Variants in PCSK5 observed in about 807,000 individuals in gnomAD.
PCSK5 encodes the protein prohormone convertase 5.
PCSK5 carries 129 observed loss-of-function variants against 233.2 expected under a neutral mutation model. That is an observed-to-expected ratio of 0.55 (90% CI 0.48 to 0.64). PCSK5 has a LOEUF of 0.64. Among genes scored for constraint, PCSK5 ranks in the 30% least tolerant of loss-of-function variants. PCSK5 has a pLI of 0.00. For missense variants in PCSK5, 2,076 were observed against 2,430.1 expected (o/e 0.85, Z 3.06); for synonymous variants, 825 against 879.2 (o/e 0.94, Z 1.09).
At chr9:76,237,060 C>G (rs17777249) in intron 22 of PCSK5, among the ~76,000 whole-genome samples, 5,960 of 152,224 alleles carry the variant, frequency 0.039, 169 homozygotes, top group Non-Finnish European at 0.061. Context: ...CCTACCTACA[C>G]CAGAGAAATT....
At chr9:75,946,659 G>T (rs1046890248) in intron 2 of PCSK5, among the ~76,000 whole-genome samples, 1 of 152,046 alleles carries the variant, frequency 6.6e-6, no homozygotes, top group South Asian at 2.1e-4. Flanking sequence ...CGCAATCTCC[G>T]CTCACTTCAA....
intron 24 of PCSK5, among the ~76,000 whole-genome samples, chr9:76,279,961 T>C (rs1408500382): frequency 1.3e-5 from 2 of 152,126 alleles, no homozygotes; most frequent in Non-Finnish European, 2.9e-5. Flanking sequence ...CCATTGCTTT[T>C]GGTGTTTTAG....
intron 28 of PCSK5, 133 bp from the exon 29 acceptor site, chr9:76,308,512 C>T (rs1201669917): frequency 5.9e-6 from 4 of 675,656 alleles, no homozygotes; most frequent in African/African-American, 3.6e-5. Flanking sequence ...CAACAATCAG[C>T]TCATGTACAA....
In PCSK5 at chr9:76,188,674, T is replaced by C; in HGVS notation, c.2379T>C (p.Ala793=). ...QPCHRFCATC[A]GAGADGCINC... The stretch of plus-strand genomic sequence containing the variant: ...GCCACCGCTTCTGCGCCACTTGTGC[T>C]GGTACCTTCCCTAGTTCTTTTGTTT... Residue 793 remains alanine, a splice_region_variant and synonymous_variant, in exon 18 of 38, where the codon GCT becomes GCC. Transcript: ENST00000674117. 9 of 1,610,504 alleles carry C rather than the reference T, an allele frequency of 5.6e-6. No individual in the cohort carries two copies. Among genetic ancestry groups the C allele is most frequent in the Non-Finnish European group, 7.6e-6 (9 of 1,176,720 alleles).
At chr9:76,000,257 C>T (rs1037817420) in intron 3 of PCSK5, among the ~76,000 whole-genome samples, 9 of 152,098 alleles carry the variant, frequency 5.9e-5, no homozygotes, top group Non-Finnish European at 1.2e-4. Flanking sequence ...GGTCATTTTG[C>T]AAGTTCTATC....
intron 7 of PCSK5, among the ~76,000 whole-genome samples, chr9:76,080,676 T>C (rs1431191836): frequency 6.6e-6 from 1 of 152,180 alleles, no homozygotes; most frequent in African/African-American, 2.4e-5. Context: ...CATGTTCAGG[T>C]TAATTAGCCT....
In PCSK5 at chr9:76,359,069, A is replaced by G. The variant is rs1830377099; in HGVS notation, c.*147A>G. On this transcript the variant is annotated 3_prime_UTR_variant, in exon 38 of 38. Transcript: ENST00000674117. ...ATGAGTCCAACCAGAATATGTAAGA[A>G]TGATGAAATACTTTGTTCTTCTTTT... 7 of 626,008 alleles carry G rather than the reference A, an allele frequency of 1.1e-5. No individual in the cohort carries two copies. Among genetic ancestry groups the G allele is most frequent in the Non-Finnish European group, 1.9e-5 (7 of 359,784 alleles). 38.8% of individuals were successfully genotyped at this position (626,008 alleles called of 1,614,324 possible).
At chr9:76,118,017 C>A (rs375099673) in intron 9 of PCSK5, among the ~76,000 whole-genome samples, 1 of 152,186 alleles carries the variant, frequency 6.6e-6, no homozygotes, top group South Asian at 2.1e-4. Context: ...AATTTTTATT[C>A]ATTGCTCTGA....
intron 15 of PCSK5, among the ~76,000 whole-genome samples, chr9:76,180,898 T>G (rs958117786): frequency 1.9e-4 from 29 of 152,010 alleles, no homozygotes; most frequent in African/African-American, 5.8e-4. Flanking sequence ...AAGGAAGTTT[T>G]TTTTTTTTTT....
At chr9:75,988,895 T>A (rs1439938202) in intron 3 of PCSK5, among the ~76,000 whole-genome samples, 1 of 152,170 alleles carries the variant, frequency 6.6e-6, no homozygotes, top group East Asian at 1.9e-4. Context: ...TAGCACAACA[T>A]CCTGTCTCCA....
chr9:76,190,478 G>C (rs939565914), intron 20 of PCSK5, among the ~76,000 whole-genome samples: 1 of 151,966 alleles, frequency 6.6e-6, no homozygotes, highest in Admixed American at 6.6e-5. Context: ...TGCACATAGA[G>C]TTTTGTATCT....
At chr9:76,096,694 C>G (rs1222152566) in intron 8 of PCSK5, among the ~76,000 whole-genome samples, 1 of 150,946 alleles carries the variant, frequency 6.6e-6, no homozygotes, top group East Asian at 2.0e-4. Flanking sequence ...CTCCACCTTG[C>G]AGATTCAAGC....
Position 75,916,510 on chromosome 9 carries a change from T to A in PCSK5, c.193-15869T>A, listed in dbSNP as rs555481524. Among the ~76,000 whole-genome samples, 6 of 152,126 alleles carry A rather than the reference T, an allele frequency of 3.9e-5. No individual in the cohort carries two copies. In the South Asian group the frequency reaches 1.2e-3, roughly 32 times the overall value. ...ATAGAAAGTAACTGGGGAAGGCAATTTAGCAGAGAGGTCAAAGAAGACTTT... is the reference window on the plus strand; with the variant it reads ...ATAGAAAGTAACTGGGGAAGGCAATATAGCAGAGAGGTCAAAGAAGACTTT... On this transcript the variant is annotated intron_variant, in intron 1 of 37. Transcript: ENST00000674117.
chr9:75,974,176 C>T (rs1448159956), intron 2 of PCSK5, among the ~76,000 whole-genome samples: 1 of 152,156 alleles, frequency 6.6e-6, no homozygotes, highest in Non-Finnish European at 1.5e-5. Flanking sequence ...AGTGACTTGG[C>T]ACTCCTCTGC....
At chr9:75,895,806 A>C (rs1379727010) in intron 1 of PCSK5, among the ~76,000 whole-genome samples, 1 of 152,254 alleles carries the variant, frequency 6.6e-6, no homozygotes, top group East Asian at 1.9e-4. Flanking sequence ...GAAGAGATAC[A>C]TTCGCAGGGA....
chr9:76,312,103 G>A (rs1035282869), intron 30 of PCSK5, among the ~76,000 whole-genome samples: 1 of 152,308 alleles, frequency 6.6e-6, no homozygotes, highest in Middle Eastern at 3.4e-3. Flanking sequence ...CTGACAGCCA[G>A]GAAGAATGGA....
intron 5 of PCSK5, among the ~76,000 whole-genome samples, chr9:76,036,246 TTGTGTA>T (rs1828855242): frequency 6.6e-6 from 1 of 152,208 alleles, no homozygotes; most frequent in Admixed American, 6.5e-5. Context: ...ATTTAAGTAT[TTGTGTA>T]TGTGTATTTA....
chr9:76,059,288 A>T lies in PCSK5; in HGVS notation c.633-8667A>T, dbSNP rs530405417. Reference sequence around the variant, plus strand: ...TTTGTCAGATAGATAGATGGCAAAAATTTTCTCCCATTCTGTAGGTTGCCT... The same window carrying T: ...TTTGTCAGATAGATAGATGGCAAAATTTTTCTCCCATTCTGTAGGTTGCCT... On this transcript the variant is annotated intron_variant, in intron 5 of 37. Coordinates refer to ENST00000674117, the MANE Select transcript of PCSK5 (RefSeq NM_001372043.1). 3.9e-5 allele frequency among the ~76,000 whole-genome samples: 6 copies of T among 152,224 alleles called. No individual in the cohort carries two copies. In the East Asian group the frequency reaches 7.8e-4, roughly 20 times the overall value.
chr9:76,254,470 A>AT (rs1044764000), intron 24 of PCSK5, among the ~76,000 whole-genome samples: 2 of 150,458 alleles, frequency 1.3e-5, no homozygotes, highest in South Asian at 4.2e-4. Context: ...AGAAGTCACT[A>AT]TTTAAAAAAA....
Sources: gnomAD v4.1 joint callset for allele counts (sites outside exome capture counted in the v4.1 genomes callset) on GRCh38, gnomAD v4.1.1 for gene constraint, MANE v1.5 for transcripts, NCBI Gene and HGNC (gene_info 2026-07-23, HGNC 2026-07-21) for gene names.